Variants in NINJ2 observed in about 807,000 individuals in gnomAD.
NINJ2 encodes the protein ninjurin 2, also known as ninjurin-2.
A neutral mutation model predicts 11.7 loss-of-function variants in NINJ2; 12 were observed. The observed-to-expected ratio is 1.02, with a 90% confidence interval of 0.66 to 1.66. The LOEUF is 1.66. Ranked by LOEUF, NINJ2 falls within the 40% of genes most tolerant of loss-of-function variation. The pLI, the probability that NINJ2 is intolerant of heterozygous loss-of-function variation, is 0.00. For missense variants in NINJ2, 187 were observed against 181.8 expected (o/e 1.03, Z -0.16); for synonymous variants, 93 against 76.8 (o/e 1.21, Z -1.10).
intron 1 of NINJ2, among the ~76,000 whole-genome samples, chr12:601,169 T>C (rs1947861145): frequency 6.6e-6 from 1 of 152,252 alleles, no homozygotes; most frequent in African/African-American, 2.4e-5. Flanking sequence ...TGCATCCTCA[T>C]TTAGAATGCA....
intron 1 of NINJ2, among the ~76,000 whole-genome samples, chr12:569,492 G>C (rs2535412): frequency 0.48 from 72,473 of 152,100 alleles, 17,514 homozygotes; most frequent in East Asian, 0.56. Flanking sequence ...TCCAGTTTGT[G>C]CAGTAGCAGC....
At position 580,531 on chromosome 12, in the gene NINJ2, GA is replaced by G. The variant is rs1337578206; in HGVS notation, c.34-14354del. 2.0e-5 allele frequency among the ~76,000 whole-genome samples: 3 copies of G among 151,628 alleles called. No individual in the cohort carries two copies. The highest frequency in any genetic ancestry group is 4.4e-5 in the Non-Finnish European group (3 of 67,968). ...TGAACCTGGAGGCAAAGGTTGCAGG[GA>G]GACAAGATCACACCACTGCACTCCA... On this transcript the variant is annotated intron_variant, in intron 1 of 3. Coordinates refer to ENST00000305108, the MANE Select transcript of NINJ2 (RefSeq NM_016533.6). This position sits in a 1 kb window ranked among gnomAD's most constrained non-coding sequence, Gnocchi z 4.7.
At position 628,997 on chromosome 12, in the gene NINJ2, T is replaced by TAA. The variant is rs1458811976; in HGVS notation, c.33+34329_33+34330dup. 6.6e-6 allele frequency among the ~76,000 whole-genome samples: 1 copy of TAA among 152,044 alleles called. No homozygotes were observed. Among genetic ancestry groups the TAA allele is most frequent in the Non-Finnish European group, 1.5e-5 (1 of 67,978 alleles). On this transcript the variant is annotated intron_variant, in intron 1 of 3. Transcript: ENST00000305108. The surrounding 1 kb of genome is among the most constrained non-coding windows in gnomAD (Gnocchi z 4.4). ...TTAGCATATGATCAAGAAATAACCA[T>TAA]AAAAATAGCCAACCAGCAGCCCTCA...
chr12:657,060 T>C (rs867144726), intron 1 of NINJ2, among the ~76,000 whole-genome samples: 11 of 152,266 alleles, frequency 7.2e-5, no homozygotes, highest in Middle Eastern at 3.4e-3. Flanking sequence ...AATGATAATA[T>C]AGGAGAAAAT....
intron 1 of NINJ2, among the ~76,000 whole-genome samples, chr12:649,531 G>GTA (rs58255301): frequency 0.1 from 12,970 of 127,644 alleles, 886 homozygotes; most frequent in African/African-American, 0.16. Context: ...GTGTATATGT[G>GTA]TATATATATA....
chr12:601,265 G>A (rs1218797883), intron 1 of NINJ2, among the ~76,000 whole-genome samples: 1 of 152,188 alleles, frequency 6.6e-6, no homozygotes, highest in East Asian at 1.9e-4. Flanking sequence ...AAATAAAACA[G>A]GCCGGGCGCA....
chr12:584,934 T>C (rs989285990), intron 1 of NINJ2, among the ~76,000 whole-genome samples: 4 of 151,946 alleles, frequency 2.6e-5, no homozygotes, highest in Non-Finnish European at 5.9e-5. Context: ...CTGGCCAATA[T>C]GGTGAAACCC....
intron 1 of NINJ2, among the ~76,000 whole-genome samples, chr12:616,941 C>T (rs1470709685): frequency 2.6e-5 from 4 of 152,232 alleles, no homozygotes; most frequent in Admixed American, 2.6e-4. Context: ...CGCAGTGGCT[C>T]ATGCCTGTAA....
chr12:570,728 G>A (rs1233056579), intron 1 of NINJ2, among the ~76,000 whole-genome samples: 1 of 152,056 alleles, frequency 6.6e-6, no homozygotes. Flanking sequence ...GGTCCGGGTG[G>A]GCTGGCGGCC....
intron 1 of NINJ2, among the ~76,000 whole-genome samples, chr12:582,131 C>A (rs1390738302): frequency 6.6e-6 from 1 of 152,236 alleles, no homozygotes; most frequent in Non-Finnish European, 1.5e-5. Context: ...CCGGGTCTGT[C>A]CTCACCACTG....
intron 1 of NINJ2, among the ~76,000 whole-genome samples, chr12:627,713 G>A (rs566123570): frequency 3.9e-4 from 60 of 152,300 alleles, no homozygotes; most frequent in African/African-American, 1.4e-3. Context: ...GACTTTGGGC[G>A]CAGTGACAGG....
In NINJ2 at chr12:579,921, T is replaced by A. The variant is rs571783146; in HGVS notation, c.34-13743A>T. On this transcript the variant is annotated intron_variant, in intron 1 of 3. Transcript: ENST00000305108. ...CAGTCACGTTTCGGTTTACATCCTA[T>A]TCTCCTAATCCCCTAAAATGACAAA... Among the ~76,000 whole-genome samples, 31 of 152,324 alleles carry A rather than the reference T, an allele frequency of 2.0e-4. No individual in the cohort carries two copies. In the South Asian group the frequency reaches 6.2e-3, roughly 31 times the overall value.
chr12:594,052 A>G (rs1231529355), intron 1 of NINJ2, among the ~76,000 whole-genome samples: 1 of 152,156 alleles, frequency 6.6e-6, no homozygotes, highest in Non-Finnish European at 1.5e-5. Context: ...ATCCCCTCTC[A>G]CCACTCCCTT....
chr12:604,968 T>A (rs1347559581), intron 1 of NINJ2, among the ~76,000 whole-genome samples: 3 of 152,218 alleles, frequency 2.0e-5, no homozygotes, highest in Non-Finnish European at 4.4e-5. Context: ...GTAAGATAAG[T>A]ACAGGAAGCA....
At chr12:567,870 TG>T (rs1248313886) in intron 1 of NINJ2, among the ~76,000 whole-genome samples, 1 of 152,156 alleles carries the variant, frequency 6.6e-6, no homozygotes, top group East Asian at 1.9e-4. Flanking sequence ...CAGCTGGGTA[TG>T]GTGTCACACG....
chr12:575,080 A>G (rs1184349129), intron 1 of NINJ2, among the ~76,000 whole-genome samples: 2 of 152,262 alleles, frequency 1.3e-5, no homozygotes, highest in Non-Finnish European at 2.9e-5. Flanking sequence ...CCAGTTTTGA[A>G]GTAGGCACCA....
chr12:572,337 A>G (rs1300783053), intron 1 of NINJ2, among the ~76,000 whole-genome samples: 1 of 152,220 alleles, frequency 6.6e-6, no homozygotes, highest in African/African-American at 2.4e-5. Context: ...ACACACTAGC[A>G]GGCCCAGAGG....
chr12:621,486 GAAAGAAAAGAA>G lies in NINJ2; in HGVS notation c.33+41831_33+41841del, dbSNP rs201592024. ...AGAAAGAAAAAGAAAAAAAAAGAAA[GAAAGAAAAGAA>G]AAAGAAAAGAAAAAAAGAAAACAGA... On this transcript the variant is annotated intron_variant, in intron 1 of 3. Transcript: ENST00000305108. 4.6e-3 allele frequency among the ~76,000 whole-genome samples: 694 copies of G among 149,436 alleles called. 31 individuals are homozygous for G. The East Asian group carries it at 0.11, about 23-fold the overall frequency.
intron 1 of NINJ2, among the ~76,000 whole-genome samples, chr12:616,811 C>A (rs1316703961): frequency 6.6e-6 from 1 of 152,182 alleles, no homozygotes; most frequent in African/African-American, 2.4e-5. Context: ...AGTGTGGAGA[C>A]AAGAATCCCT....
Sources: allele counts gnomAD v4.1 joint callset (sites outside exome capture counted in the v4.1 genomes callset), GRCh38; gene constraint gnomAD v4.1.1; non-coding constraint Gnocchi (gnomAD v3.1); transcripts MANE v1.5; gene names NCBI Gene and HGNC (gene_info 2026-07-23, HGNC 2026-07-21).